Variants in PTPRJ observed in about 807,000 individuals in gnomAD.
PTPRJ encodes receptor-type tyrosine-protein phosphatase eta.
PTPRJ carries 129 observed loss-of-function variants against 141.3 expected under a neutral mutation model. That is an observed-to-expected ratio of 0.91 (90% CI 0.79 to 1.06). The LOEUF (loss-of-function observed/expected upper bound fraction) is 1.06. Among genes scored for constraint, PTPRJ ranks in the 50% least tolerant of loss-of-function variants. The probability of loss-of-function intolerance (pLI) is 0.00; values close to 1 mark genes in which losing one functional copy is unlikely to be tolerated. For synonymous variants in PTPRJ, 610 were observed against 640.5 expected (o/e 0.95, Z 0.72); for missense variants, 1,601 against 1,679.7 (o/e 0.95, Z 0.82).
chr11:48,072,903 A>G (rs1855299223), intron 1 of PTPRJ, among the ~76,000 whole-genome samples: 1 of 152,242 alleles, frequency 6.6e-6, no homozygotes, highest in South Asian at 2.1e-4. Flanking sequence ...GGGTGAAGCT[A>G]ATTTTATTTC....
At position 48,098,517 on chromosome 11, in the gene PTPRJ, C is replaced by CTTTT. The variant is rs762125208; in HGVS notation, c.97-11523_97-11520dup. Reference sequence around the variant, plus strand: ...ACCCACATTTCAAATCATTTTATCTCTTTTTTTTTTTTTTTTTTTTTGAGA... The same window carrying CTTTT: ...ACCCACATTTCAAATCATTTTATCTCTTTTTTTTTTTTTTTTTTTTTTTTTGAGA... On this transcript the variant is annotated intron_variant, in intron 1 of 24. Transcript: ENST00000418331. Among the ~76,000 whole-genome samples, 128 of 36,344 alleles carry CTTTT rather than the reference C, an allele frequency of 3.5e-3. 2 individuals are homozygous for CTTTT. Among genetic ancestry groups the CTTTT allele is most frequent in the Non-Finnish European group, 5.2e-3 (70 of 13,556 alleles). The allele number at this position is 36,344 out of a possible 152,430, so 23.8% of individuals were successfully genotyped here.
chr11:47,988,344 T>C (rs7122634), intron 1 of PTPRJ, among the ~76,000 whole-genome samples: 3 of 150,136 alleles, frequency 2.0e-5, no homozygotes, highest in Non-Finnish European at 4.4e-5. Flanking sequence ...TTTAATTTTA[T>C]TGTTTTTTTT....
intron 1 of PTPRJ, among the ~76,000 whole-genome samples, chr11:48,056,501 C>A (rs998534992): frequency 6.6e-6 from 1 of 152,282 alleles, no homozygotes; most frequent in Admixed American, 6.5e-5. Context: ...ACTATTAGAG[C>A]GGCAGTTTGG....
At chr11:48,005,964 G>T (rs1341302998) in intron 1 of PTPRJ, among the ~76,000 whole-genome samples, 2 of 152,262 alleles carry the variant, frequency 1.3e-5, no homozygotes, top group Non-Finnish European at 2.9e-5. Context: ...GCAGCCACCT[G>T]CCCCTGCTGG....
Position 48,127,781 on chromosome 11 carries a change from T to G in PTPRJ, c.1095T>G (p.Asn365Lys). 1 of 1,613,934 alleles carries G rather than the reference T, an allele frequency of 6.2e-7. No homozygotes were observed. Among genetic ancestry groups the G allele is most frequent in the Non-Finnish European group, 8.5e-7 (1 of 1,179,818 alleles). ...TGAACTCCTCTTGTGTTCTCACAGA[T>G]GCTATTCAGGTTTTTGACGTCACCG... ...GQPQAIEFRT[N>K]AIQVFDVTAV... Residue 365 changes from asparagine (N) to lysine (K), a missense_variant and splice_region_variant, in exon 7 of 25, where the codon AAT becomes AAG. Transcript: ENST00000418331.
At chr11:48,090,981 C>A (rs1157575144) in intron 1 of PTPRJ, among the ~76,000 whole-genome samples, 2 of 152,172 alleles carry the variant, frequency 1.3e-5, no homozygotes, top group South Asian at 2.1e-4. Context: ...TGGTGCTTCT[C>A]AAACCCAAGG....
chr11:48,061,518 T>C (rs1318319202), intron 1 of PTPRJ, among the ~76,000 whole-genome samples: 1 of 152,192 alleles, frequency 6.6e-6, no homozygotes, highest in Non-Finnish European at 1.5e-5. Flanking sequence ...ACAGTAATCC[T>C]GTAAGGGAGA....
At chr11:48,080,123 AT>A (rs1187249418) in intron 1 of PTPRJ, among the ~76,000 whole-genome samples, 1 of 152,126 alleles carries the variant, frequency 6.6e-6, no homozygotes, top group Non-Finnish European at 1.5e-5. Context: ...GGTAGAAAAT[AT>A]TTTAGAGAGG....
rs1264036274 is a variant in PTPRJ at position 48,112,897 on chromosome 11, G to C, written c.266G>C (p.Ser89Thr). Residue 89 changes from serine to threonine, a missense_variant, in exon 3 of 25, where the codon AGC (serine) becomes ACC (threonine). Physicochemically the swap from Ser to Thr is moderately conservative, Grantham distance 58. Coordinates refer to ENST00000418331, the MANE Select transcript of PTPRJ (RefSeq NM_002843.4). ...VETNTSEDGE[S>T]SGANDSLRTP... ...ACAAACACCAGTGAGGATGGTGAAA[G>C]CTCTGGAGCCAACGATAGTTTAAGA... 1.2e-6 allele frequency: 2 copies of C among 1,614,162 alleles called. No homozygotes were observed. The highest frequency in any genetic ancestry group is 1.7e-6 in the Non-Finnish European group (2 of 1,180,008).
At chr11:48,145,246 C>G in intron 14 of PTPRJ, 122 bp downstream of exon 14, 1 of 1,384,034 alleles carries the variant, frequency 7.2e-7, no homozygotes. Flanking sequence ...CCCAGCTCTC[C>G]CCTCCCAGAG....
chr11:48,112,888 A>T lies in PTPRJ; in HGVS notation c.257A>T (p.Asp86Val). 1 of 1,614,196 alleles carries T rather than the reference A, an allele frequency of 6.2e-7. No individual in the cohort carries two copies. Among genetic ancestry groups the T allele is most frequent in the Non-Finnish European group, 8.5e-7 (1 of 1,180,016 alleles). The stretch of plus-strand genomic sequence containing the variant: ...CAGGTGGAAACAAACACCAGTGAGG[A>T]TGGTGAAAGCTCTGGAGCCAACGAT... ...TPQVETNTSEDGESSGANDSL... is the reference protein window; with the variant it reads ...TPQVETNTSEVGESSGANDSL... Residue 86 changes from aspartate (D) to valine (V), a missense_variant, in exon 3 of 25, where the codon GAT becomes GTT. Asp to Val is a radical substitution (Grantham distance 152). Transcript: ENST00000418331.
intron 12 of PTPRJ, among the ~76,000 whole-genome samples, chr11:48,144,228 T>A: frequency 6.6e-6 from 1 of 152,154 alleles, no homozygotes; most frequent in East Asian, 1.9e-4. Flanking sequence ...TAATTTTGGG[T>A]CTGTTTCCAG....
intron 1 of PTPRJ, among the ~76,000 whole-genome samples, chr11:48,079,956 A>G (rs1376736094): frequency 1.3e-5 from 2 of 152,188 alleles, no homozygotes; most frequent in African/African-American, 4.8e-5. Flanking sequence ...ATCCCGAAGC[A>G]TATCCCCCAT....
At chr11:48,054,626 A>C (rs547779050) in intron 1 of PTPRJ, among the ~76,000 whole-genome samples, 100 of 151,756 alleles carry the variant, frequency 6.6e-4, no homozygotes, top group African/African-American at 2.1e-3. Context: ...TTGCCCACGG[A>C]CTTGTAGTCC....
At chr11:48,133,603 C>T (rs186013320) in intron 8 of PTPRJ, among the ~76,000 whole-genome samples, 148 of 152,188 alleles carry the variant, frequency 9.7e-4, no homozygotes, top group African/African-American at 3.4e-3. Context: ...AATTCCAGTC[C>T]TATGTATATC....
intron 14 of PTPRJ, 66 bp from the exon 15 acceptor site, chr11:48,146,810 T>A: frequency 7.2e-7 from 1 of 1,384,494 alleles, no homozygotes; most frequent in East Asian, 2.3e-5. Flanking sequence ...CCCAGGCCAG[T>A]TTTTAGCACA....
chr11:48,111,397 G>A (rs1327117219), intron 2 of PTPRJ, among the ~76,000 whole-genome samples: 1 of 148,976 alleles, frequency 6.7e-6, no homozygotes, highest in East Asian at 1.9e-4. Context: ...CAAAATTTGG[G>A]AACTTTTTTT....
intron 1 of PTPRJ, among the ~76,000 whole-genome samples, chr11:48,059,110 CTTTTT>C (rs917350262): frequency 2.0e-5 from 2 of 102,160 alleles, no homozygotes; most frequent in Non-Finnish European, 3.8e-5. Flanking sequence ...TGTGCTGTGC[CTTTTT>C]TTTTTTTTTT....
intron 1 of PTPRJ, among the ~76,000 whole-genome samples, chr11:48,015,259 T>C (rs571537552): frequency 1.8e-4 from 27 of 152,180 alleles, no homozygotes; most frequent in Admixed American, 9.8e-4. Flanking sequence ...GGTATTTCTC[T>C]GGAACAACTG....
Sources: allele counts gnomAD v4.1 joint callset (sites outside exome capture counted in the v4.1 genomes callset), GRCh38; gene constraint gnomAD v4.1.1; transcripts MANE v1.5; gene names NCBI Gene and HGNC (gene_info 2026-07-23, HGNC 2026-07-21).